CD2AP: variants seen among roughly 807,000 people sequenced by gnomAD.
CD2AP encodes CD2-associated protein.
Under a neutral mutation model 85.1 loss-of-function variants are expected in CD2AP, and 46 were observed. That is an observed-to-expected ratio of 0.54 (90% CI 0.43 to 0.69). The LOEUF (loss-of-function observed/expected upper bound fraction) is 0.69. CD2AP is among the 30% of genes least tolerant of loss of function. The pLI, the probability that CD2AP is intolerant of heterozygous loss-of-function variation, is 0.00. For synonymous variants in CD2AP, 255 were observed against 252.9 expected (o/e 1.01, Z -0.08); for missense variants, 769 against 729.5 (o/e 1.05, Z -0.62).
At chr6:47,600,790 A>G (rs1769107376) in intron 13 of CD2AP, among the ~76,000 whole-genome samples, 1 of 151,954 alleles carries the variant, frequency 6.6e-6, no homozygotes, top group Admixed American at 6.6e-5. Flanking sequence ...TGTTTGATTT[A>G]AAATATAGCT....
At chr6:47,491,002 C>T (rs1015085016) in intron 1 of CD2AP, among the ~76,000 whole-genome samples, 4 of 152,016 alleles carry the variant, frequency 2.6e-5, no homozygotes, top group African/African-American at 7.2e-5. Flanking sequence ...ATTAAAAGGA[C>T]TTTAGGATGA....
At chr6:47,501,281 C>T (rs951557776) in intron 1 of CD2AP, among the ~76,000 whole-genome samples, 4 of 152,126 alleles carry the variant, frequency 2.6e-5, no homozygotes, top group African/African-American at 9.7e-5. Context: ...AAACCATTCA[C>T]TGTGTATGTT....
intron 1 of CD2AP, among the ~76,000 whole-genome samples, chr6:47,484,616 T>C (rs2113959615): frequency 6.6e-6 from 1 of 152,354 alleles, no homozygotes; most frequent in Admixed American, 6.5e-5. Context: ...ACCTGTCCTT[T>C]CCAGTGGCTC....
At chr6:47,512,856 A>C (rs1766355934) in intron 2 of CD2AP, among the ~76,000 whole-genome samples, 1 of 152,232 alleles carries the variant, frequency 6.6e-6, no homozygotes, top group Non-Finnish European at 1.5e-5. Flanking sequence ...GCATAAACAA[A>C]TAGTATTTTG....
chr6:47,517,726 C>A (rs1766490037), intron 2 of CD2AP, among the ~76,000 whole-genome samples: 1 of 152,086 alleles, frequency 6.6e-6, no homozygotes. Context: ...TATAGACAAT[C>A]TGGTATATAG....
At chr6:47,504,772 A>T (rs1249634027) in intron 2 of CD2AP, among the ~76,000 whole-genome samples, 1 of 152,106 alleles carries the variant, frequency 6.6e-6, no homozygotes, top group Non-Finnish European at 1.5e-5. Context: ...AGTCACATGA[A>T]TGTTTTGATT....
chr6:47,567,529 T>C (rs1768036493), intron 5 of CD2AP, among the ~76,000 whole-genome samples: 1 of 151,950 alleles, frequency 6.6e-6, no homozygotes, highest in African/African-American at 2.4e-5. Context: ...TTTAAAAAAG[T>C]GATTGTAATT....
rs1378420027 is a variant in CD2AP, at chr6:47,596,293, T to C, written c.1274+267T>C. Among the ~76,000 whole-genome samples the C allele has an allele frequency of 2.0e-5, 3 of 152,150 alleles. No homozygotes were observed. The East Asian group carries it at 5.8e-4, about 29-fold the overall frequency. On this transcript the variant is annotated intron_variant, in intron 12 of 17. Transcript: ENST00000359314. ...TGATGAGAACACTTAACATTCACTC[T>C]TAGCATTTTTAAAGAATGCGGTACA... is the stretch of plus-strand genomic sequence containing the variant.
intron 2 of CD2AP, among the ~76,000 whole-genome samples, chr6:47,521,553 A>G (rs1173349333): frequency 6.6e-6 from 1 of 152,218 alleles, no homozygotes; most frequent in Non-Finnish European, 1.5e-5. Context: ...CTCCGTCTCA[A>G]AAAAGAAATG....
chr6:47,502,085 G>A (rs374277420), intron 1 of CD2AP, among the ~76,000 whole-genome samples: 105 of 152,274 alleles, frequency 6.9e-4, no homozygotes, highest in Middle Eastern at 3.4e-3. Flanking sequence ...CCAAGCTCAT[G>A]TGTTAGTTTG....
At chr6:47,531,673 T>C (rs12661631) in intron 2 of CD2AP, among the ~76,000 whole-genome samples, 38,015 of 151,702 alleles carry the variant, frequency 0.25, 5,465 homozygotes, top group East Asian at 0.6. Flanking sequence ...ACATTGATTT[T>C]TAAAAAACTA....
At chr6:47,569,762 T>G (rs935529944) in intron 5 of CD2AP, among the ~76,000 whole-genome samples, 3 of 152,104 alleles carry the variant, frequency 2.0e-5, no homozygotes. Flanking sequence ...AGATAGTAGA[T>G]AGAAATTTGT....
intron 2 of CD2AP, among the ~76,000 whole-genome samples, chr6:47,526,450 T>C (rs1203899279): frequency 6.6e-6 from 1 of 152,224 alleles, no homozygotes; most frequent in Non-Finnish European, 1.5e-5. Context: ...CTATTCATTG[T>C]AGACTATAAG....
intron 2 of CD2AP, among the ~76,000 whole-genome samples, chr6:47,508,547 T>C (rs1211651736): frequency 5.2e-5 from 3 of 58,130 alleles, no homozygotes; most frequent in Non-Finnish European, 1.1e-4. Context: ...TTTTTTTTTG[T>C]TTTTTTTTTT....
chr6:47,585,624 A>C (rs954235584), intron 11 of CD2AP, among the ~76,000 whole-genome samples: 2 of 152,100 alleles, frequency 1.3e-5, no homozygotes, highest in African/African-American at 4.8e-5. Flanking sequence ...GGGCAGCTAC[A>C]ATTTGTGGGG....
intron 1 of CD2AP, among the ~76,000 whole-genome samples, chr6:47,484,716 A>G (rs1416252746): frequency 6.6e-6 from 1 of 152,178 alleles, no homozygotes; most frequent in Non-Finnish European, 1.5e-5. Flanking sequence ...ACTCATTTGC[A>G]AAAGAGATGA....
Position 47,478,240 on chromosome 6 carries a change from C to G in CD2AP, c.-5C>G. On this transcript the variant is annotated 5_prime_UTR_variant, in exon 1 of 18. Coordinates refer to ENST00000359314, the MANE Select transcript of CD2AP (RefSeq NM_012120.3). ...CGTCGGCTTCTCCCCGCGGGAGCCCCCAGCATGGGTAAGAGACTCGGGCGC... is the reference window on the plus strand; with the variant it reads ...CGTCGGCTTCTCCCCGCGGGAGCCCGCAGCATGGGTAAGAGACTCGGGCGC... The G allele has an allele frequency of 1.3e-6, 2 of 1,572,360 alleles. No individual in the cohort carries two copies. The highest frequency in any genetic ancestry group is 1.7e-6 in the Non-Finnish European group (2 of 1,159,354).
rs115297785 is a variant in CD2AP at position 47,484,223 on chromosome 6, G to C, written c.4+5975G>C. On this transcript the variant is annotated intron_variant, in intron 1 of 17. Transcript: ENST00000359314. ...TCTTAAACAGATAAAATTTTATTGG[G>C]ACTTCACTAACCTGAGACCATGCTG... Among the ~76,000 whole-genome samples, 690 of 152,124 alleles carry C rather than the reference G, an allele frequency of 4.5e-3. 7 individuals carry two copies. The highest frequency in any genetic ancestry group is 0.016 in the African/African-American group (647 of 41,512).
chr6:47,580,299 T>C (rs1354028079), intron 9 of CD2AP, among the ~76,000 whole-genome samples: 3 of 152,330 alleles, frequency 2.0e-5, no homozygotes, highest in Middle Eastern at 3.4e-3. Context: ...CTTAGAAGTG[T>C]ATATCAATAT....
Sources: gnomAD v4.1 joint callset for allele counts (sites outside exome capture counted in the v4.1 genomes callset) on GRCh38, gnomAD v4.1.1 for gene constraint, MANE v1.5 for transcripts, NCBI Gene and HGNC (gene_info 2026-07-23, HGNC 2026-07-21) for gene names.